The following ADCY5 variants were observed in gnomAD, a reference collection of about 807,000 sequenced individuals.
ADCY5 encodes the protein adenylate cyclase 5.
ADCY5 carries 30 observed loss-of-function variants against 119.7 expected under a neutral mutation model. That is an observed-to-expected ratio of 0.25 (90% CI 0.19 to 0.34). ADCY5 has a LOEUF of 0.34. Among genes scored for constraint, ADCY5 ranks in the 10% least tolerant of loss-of-function variants. The pLI is 1.00. For missense variants in ADCY5, 1,324 were observed against 1,775.2 expected (o/e 0.75, Z 4.57); for synonymous variants, 753 against 762.2 (o/e 0.99, Z 0.20).
chr3:123,402,589 G>A (rs1277898485), intron 1 of ADCY5, among the ~76,000 whole-genome samples: 1 of 149,730 alleles, frequency 6.7e-6, no homozygotes, highest in Admixed American at 6.7e-5. Flanking sequence ...GGTGGCTCAC[G>A]CCTGTAATCC....
chr3:123,349,306 C>T (rs1187986173), intron 2 of ADCY5, among the ~76,000 whole-genome samples: 3 of 152,204 alleles, frequency 2.0e-5, no homozygotes, highest in Non-Finnish European at 4.4e-5. Context: ...TCAGATCTTT[C>T]CCTCTGACAC....
chr3:123,435,850 T>C (rs988317863), intron 1 of ADCY5, among the ~76,000 whole-genome samples: 4 of 133,534 alleles, frequency 3.0e-5, no homozygotes, highest in Non-Finnish European at 6.2e-5. Flanking sequence ...GCAAGAGCCC[T>C]TTTATTATTA....
At position 123,284,629 on chromosome 3, in the gene ADCY5, A is replaced by G; in HGVS notation, c.3765T>C (p.Asn1255=). Residue 1255 remains asparagine, a synonymous_variant, in exon 21 of 21, where the codon AAT becomes AAC. Transcript: ENST00000462833. The part of the protein sequence containing the change: ...GKGEMMTYFL[N]GGPPLS ...GCTGCTAACTGAGCGGGGGCCCTCC[A>G]TTGAGGAAGTAGGTCATCATCTCGC... 1.2e-6 allele frequency: 2 copies of G among 1,614,210 alleles called. No individual in the cohort carries two copies. The highest frequency in any genetic ancestry group is 1.7e-6 in the Non-Finnish European group (2 of 1,180,012).
At chr3:123,327,862 C>A (rs1027407376) in intron 6 of ADCY5, 103 bp from the exon 7 acceptor site, 34 of 1,371,344 alleles carry the variant, frequency 2.5e-5, no homozygotes, top group Non-Finnish European at 3.2e-5. Context: ...CACCACAATT[C>A]AAACCCTAGG....
intron 1 of ADCY5, among the ~76,000 whole-genome samples, chr3:123,358,195 TA>T (rs1435326431): frequency 1.9e-4 from 28 of 149,142 alleles, no homozygotes; most frequent in East Asian, 6.0e-4. Flanking sequence ...TGTGTGTGTG[TA>T]GGGAGTTGGT....
At chr3:123,368,331 C>T (rs1461171196) in intron 1 of ADCY5, among the ~76,000 whole-genome samples, 1 of 152,230 alleles carries the variant, frequency 6.6e-6, no homozygotes, top group African/African-American at 2.4e-5. Context: ...CATGGTGGCT[C>T]ACGCCTGTAA....
At chr3:123,401,301 A>C (rs1410233934) in intron 1 of ADCY5, among the ~76,000 whole-genome samples, 4 of 152,206 alleles carry the variant, frequency 2.6e-5, no homozygotes, top group Non-Finnish European at 1.5e-5. Context: ...GCCCAGGCTC[A>C]GCTCTGGGGG....
chr3:123,303,073 G>C lies in ADCY5; in HGVS notation c.2706C>G (p.Pro902=). The change falls in exon 14 of 21, where the codon CCC becomes CCG. Residue 902 remains proline (P), a synonymous_variant. Coordinates refer to ENST00000462833, the MANE Select transcript of ADCY5 (RefSeq NM_183357.3). ...CCAGTACCTCGGGGAAGTTGCAGTT[G>C]GGCCAGGGGCTGCCACAGAAGCCCT... ...DEQGFCGSPW[P]NCNFPEYFTY... is the part of the protein sequence containing the mutation. 6.2e-7 allele frequency: 1 copy of C among 1,613,698 alleles called. No individual in the cohort carries two copies. Among genetic ancestry groups the C allele is most frequent in the Non-Finnish European group, 8.5e-7 (1 of 1,180,002 alleles).
chr3:123,363,169 G>GA (rs1943318227), intron 1 of ADCY5, among the ~76,000 whole-genome samples: 2 of 121,920 alleles, frequency 1.6e-5, no homozygotes, highest in African/African-American at 3.4e-5. Context: ...AAAAGGAATT[G>GA]AAGAACAAAA....
intron 9 of ADCY5, 139 bp from the exon 10 acceptor site, chr3:123,319,957 C>G: frequency 1.7e-6 from 2 of 1,178,734 alleles, no homozygotes; most frequent in Non-Finnish European, 2.3e-6. Flanking sequence ...GCAGCGGGAG[C>G]TGAGACTGAG....
Position 123,448,373 on chromosome 3 carries a change from C to A in ADCY5, c.173G>T (p.Gly58Val). The change falls in exon 1 of 21, where the codon GGG becomes GTG. Residue 58 changes from glycine (G) to valine (V), a missense_variant. Transcript: ENST00000462833. ...CTGCTGCTGCGGGGTCACCGCCCCC[C>A]CGGGTTTCTTGGTGGAGCCGCGGGC... ...GSARGSTKKP[G>V]GAVTPQQQQR... 1 of 1,484,920 alleles carries A rather than the reference C, an allele frequency of 6.7e-7. No individual in the cohort carries two copies. The allele number at this position is 1,484,920 out of a possible 1,614,324, so 92.0% of individuals were successfully genotyped here.
intron 19 of ADCY5, among the ~76,000 whole-genome samples, chr3:123,289,433 C>T (rs151300996): frequency 2.6e-4 from 40 of 152,382 alleles, no homozygotes; most frequent in African/African-American, 8.4e-4. Context: ...GCCCTTCGAG[C>T]AGGCACAGCC....
intron 1 of ADCY5, among the ~76,000 whole-genome samples, chr3:123,407,532 G>A (rs1576674852): frequency 1.4e-5 from 2 of 147,232 alleles, no homozygotes; most frequent in South Asian, 2.2e-4. Context: ...AGGAGGTATC[G>A]CTTGAGCTCA....
chr3:123,337,066 A>G (rs549373239), intron 3 of ADCY5, among the ~76,000 whole-genome samples: 1 of 152,332 alleles, frequency 6.6e-6, no homozygotes, highest in African/African-American at 2.4e-5. Flanking sequence ...GGTTGCCTCA[A>G]GAAAGCTTCT....
At chr3:123,365,836 G>A (rs1483302431) in intron 1 of ADCY5, among the ~76,000 whole-genome samples, 2 of 152,134 alleles carry the variant, frequency 1.3e-5, no homozygotes, top group Non-Finnish European at 2.9e-5. Context: ...GTGGGTCACA[G>A]CTTGAATGAA....
At chr3:123,336,199 C>T (rs1436867864) in intron 3 of ADCY5, among the ~76,000 whole-genome samples, 1 of 152,234 alleles carries the variant, frequency 6.6e-6, no homozygotes, top group African/African-American at 2.4e-5. Context: ...GCCTGCAGAA[C>T]CCCATCCTGG....
intron 20 of ADCY5, 94 bp from the exon 21 acceptor site, chr3:123,284,830 T>C: frequency 6.5e-7 from 1 of 1,530,810 alleles, no homozygotes; most frequent in African/African-American, 1.4e-5. Flanking sequence ...CCAGCCCTGT[T>C]GCCGCCCCTG....
At chr3:123,368,558 C>T (rs1020154739) in intron 1 of ADCY5, among the ~76,000 whole-genome samples, 1 of 152,206 alleles carries the variant, frequency 6.6e-6, no homozygotes, top group Non-Finnish European at 1.5e-5. Flanking sequence ...GATGGCACCA[C>T]TGCACTCCAG....
Position 123,310,103 on chromosome 3 carries a change from T to TACACACACACACACACACACACAC in ADCY5, c.2442+4108_2442+4131dup, listed in dbSNP as rs60966110. Among the ~76,000 whole-genome samples, 218 of 121,196 alleles carry TACACACACACACACACACACACAC rather than the reference T, an allele frequency of 1.8e-3. 9 individuals carry two copies. In the East Asian group the frequency reaches 0.024, roughly 13 times the overall value. The allele number at this position is 121,196 out of a possible 152,430, so 79.5% of individuals were successfully genotyped here. The stretch of plus-strand genomic sequence containing the variant: ...GGCTGGGGGATAAGAGAGAGAGATT[T>TACACACACACACACACACACACAC]ACACACACACACACACACACACACA... On this transcript the variant is annotated intron_variant, in intron 12 of 20. Coordinates refer to ENST00000462833, the MANE Select transcript of ADCY5 (RefSeq NM_183357.3).
Sources: allele counts gnomAD v4.1 joint callset (sites outside exome capture counted in the v4.1 genomes callset), GRCh38; gene constraint gnomAD v4.1.1; transcripts MANE v1.5; gene names NCBI Gene and HGNC (gene_info 2026-07-23, HGNC 2026-07-21).